Variants in KCP observed in about 807,000 individuals in gnomAD.
KCP encodes the protein kielin cysteine rich BMP regulator.
KCP carries 194 observed loss-of-function variants against 212.7 expected under a neutral mutation model. The observed-to-expected ratio is 0.91, with a 90% CI of 0.81 to 1.03. KCP has a LOEUF of 1.03. Ranked by LOEUF, KCP falls within the 50% of genes least tolerant of loss-of-function variation. KCP has a pLI of 0.00. For synonymous variants in KCP, 833 were observed against 865.3 expected (o/e 0.96, Z 0.65); for missense variants, 2,080 against 2,162.5 (o/e 0.96, Z 0.76).
chr7:128,884,483 C>T (rs1050104732), intron 28 of KCP, among the ~76,000 whole-genome samples: 7 of 152,168 alleles, frequency 4.6e-5, no homozygotes, highest in African/African-American at 1.7e-4. Flanking sequence ...AGAATCTCCA[C>T]AATATGACCC....
intron 5 of KCP, among the ~76,000 whole-genome samples, chr7:128,905,253 G>A (rs1246599527): frequency 2.0e-5 from 3 of 152,094 alleles, no homozygotes; most frequent in Admixed American, 6.5e-5. Flanking sequence ...GTATAAGAAT[G>A]TCCTAAATAT....
Position 128,893,819 on chromosome 7 carries a change from G to T in KCP, c.1086C>A (p.Cys362Ter). The T allele has an allele frequency of 6.4e-7, 1 of 1,550,966 alleles. No individual in the cohort carries two copies. Among genetic ancestry groups the T allele is most frequent in the South Asian group, 1.2e-5 (1 of 84,064 alleles). ...GCCCCCACTCACCATCGCAGACAGG[G>T]CAGCACTGCCCAGGGATCTTGCCTG... ...RHPGKIPGQC[C>*]PVCDGCEYQG... Residue 362 changes from cysteine (C) to a stop codon, truncating the protein, a stop_gained, in exon 11 of 40, where the codon TGC (cysteine) becomes TGA (stop). Transcript: ENST00000610776. LOFTEE classifies it high-confidence loss of function.
intron 8 of KCP, 52 bp downstream of exon 8, chr7:128,902,725 G>A: frequency 2.7e-6 from 4 of 1,457,812 alleles, no homozygotes; most frequent in South Asian, 2.4e-5. Flanking sequence ...AATGAATACA[G>A]TGGGCCTGAG....
At position 128,888,932 on chromosome 7, in the gene KCP, G is replaced by A. The variant is rs1423384636; in HGVS notation, c.2443C>T (p.Arg815Trp). The change falls in exon 22 of 40, where the codon CGG becomes TGG. Residue 815 changes from arginine (R) to tryptophan (W), a missense_variant. Physicochemically the swap from Arg to Trp is moderately radical, Grantham distance 101 (BLOSUM62 -3). Coordinates refer to ENST00000610776, the MANE Select transcript of KCP (RefSeq NM_001366122.1). ...CTGCAGCCCGGAGGCTCACAGGGCC[G>A]GCGGCCGCAGGTCACGAAGCCTCCA... ...CLGGFVTCGR[R>W]PCEPPGCSHP... The A allele has an allele frequency of 3.7e-5, 57 of 1,550,640 alleles. No homozygotes were observed. Among genetic ancestry groups the A allele is most frequent in the East Asian group, 2.9e-4 (12 of 40,900 alleles).
Position 128,883,341 on chromosome 7 carries a change from T to C in KCP, c.3244+661A>G, listed in dbSNP as rs185967394. ...TTTTAGTAGAGACGGGGTTTCACCA[T>C]GTTGGCCAGGATGGTCTCGATCTCT... On this transcript the variant is annotated intron_variant, in intron 29 of 39. Coordinates refer to ENST00000610776, the MANE Select transcript of KCP (RefSeq NM_001366122.1). Among the ~76,000 whole-genome samples, 1,399 of 152,086 alleles carry C rather than the reference T, an allele frequency of 9.2e-3. 26 individuals carry two copies. Among genetic ancestry groups the C allele is most frequent in the African/African-American group, 0.032 (1,344 of 41,510 alleles).
chr7:128,903,649 C>T, intron 7 of KCP, 78 bp downstream of exon 7: 1 of 1,242,950 alleles, frequency 8.0e-7, no homozygotes, highest in Middle Eastern at 1.9e-4. Context: ...TGGAGGCCGG[C>T]AAGGTGGGCT....
Position 128,892,989 on chromosome 7 carries a change from C to A in KCP, c.1300G>T (p.Gly434Ter). ...CGACCATCAGGCTCCCACTGGACTC[C>A]CTCAGCAAACTCCTCTCCATCCAGC... is the stretch of plus-strand genomic sequence containing the variant. The part of the protein sequence containing the change: ...CELDGEEFAE[G>*]VQWEPDGRPC... Residue 434 changes from glycine (G) to a stop codon, truncating the protein, a stop_gained, in exon 14 of 40, where the codon GGA (glycine) becomes TGA (stop). Transcript: ENST00000610776. LOFTEE classifies it high-confidence loss of function. 9.6e-7 allele frequency: 1 copy of A among 1,038,782 alleles called. No homozygotes were observed. The highest frequency in any genetic ancestry group is 1.4e-5 in the South Asian group (1 of 73,966). The allele number at this position is 1,038,782 out of a possible 1,614,324, so 64.3% of individuals were successfully genotyped here. A position where few individuals can be genotyped will look rare whatever the true frequency, so the allele number is the denominator to read the frequency against.
chr7:128,880,726 G>GGACA lies in KCP; in HGVS notation c.3514-9_3514-6dup. 1 of 423,620 alleles carries GGACA rather than the reference G, an allele frequency of 2.4e-6. No individual in the cohort carries two copies. The highest frequency in any genetic ancestry group is 4.2e-6 in the Non-Finnish European group (1 of 240,954). 26.2% of individuals were successfully genotyped at this position (423,620 alleles called of 1,614,324 possible). A position where few individuals can be genotyped will look rare whatever the true frequency, so the allele number is the denominator to read the frequency against. On this transcript the variant is annotated splice_polypyrimidine_tract_variant and splice_region_variant and intron_variant, in intron 32 of 39. Transcript: ENST00000610776. ...GTGGCACTCCACATGGCCCCGCTGAGGACAGACATCATTGTTCTGGGGTTT... is the reference window on the plus strand; with the variant it reads ...GTGGCACTCCACATGGCCCCGCTGAGGACAGACAGACATCATTGTTCTGGGGTTT...
In KCP at chr7:128,910,668, C is replaced by A. The variant is rs1261259711; in HGVS notation, c.9G>T (p.Gly3=). The change falls in exon 1 of 40, where the codon GGG becomes GGT. Residue 3 remains glycine, a synonymous_variant. Coordinates refer to ENST00000610776, the MANE Select transcript of KCP (RefSeq NM_001366122.1). ...GAAGGGACAGCGCAGCGGCCCCGAC[C>A]CCGGCCATGCTAGCTCCGCCTCGCT... MA[G]VGAAALSLLL... The A allele has an allele frequency of 1.3e-5, 19 of 1,506,174 alleles. No homozygotes were observed. In the Admixed American group the frequency reaches 2.3e-4, roughly 18 times the overall value. The allele number at this position is 1,506,174 out of a possible 1,614,324, so 93.3% of individuals were successfully genotyped here.
At chr7:128,908,671 G>A (rs1449174055) in intron 1 of KCP, 103 bp from the exon 2 acceptor site, 10 of 1,277,954 alleles carry the variant, frequency 7.8e-6, no homozygotes, top group Non-Finnish European at 1.1e-5. Context: ...GGGTCATCCT[G>A]TGCACCCTGC....
intron 8 of KCP, 22 bp downstream of exon 8, chr7:128,902,755 C>CAGG: frequency 6.5e-7 from 1 of 1,548,780 alleles, no homozygotes; most frequent in Non-Finnish European, 8.7e-7. Context: ...GGGGACAGAC[C>CAGG]AGGAGCAGCC....
chr7:128,879,610 G>T lies in KCP; in HGVS notation c.4058C>A (p.Pro1353Gln). The stretch of plus-strand genomic sequence containing the variant: ...CTCCTGCAGGAAGGGCAAGGCCACC[G>T]GGTGCCCATCCACCTGGAGGATAAA... ...QDGAVTVDGHPVALPFLQEPL... is the reference protein window; with the variant it reads ...QDGAVTVDGHQVALPFLQEPL... The change falls in exon 37 of 40, where the codon CCG becomes CAG. Residue 1353 changes from proline (P) to glutamine (Q), a missense_variant. By Grantham distance (76) the Pro-to-Gln change is moderately conservative. Coordinates refer to ENST00000610776, the MANE Select transcript of KCP (RefSeq NM_001366122.1). 1.3e-6 allele frequency: 2 copies of T among 1,550,544 alleles called. No individual in the cohort carries two copies. The highest frequency in any genetic ancestry group is 2.4e-5 in the South Asian group (2 of 84,064).
chr7:128,891,233 A>AGGGCAGCGGC lies in KCP; in HGVS notation c.1914_1923dup (p.Cys642AlafsTer138). 6.5e-7 allele frequency: 1 copy of AGGGCAGCGGC among 1,546,702 alleles called. No homozygotes were observed. On this transcript the variant is annotated frameshift_variant, in exon 19 of 40. Coordinates refer to ENST00000610776, the MANE Select transcript of KCP (RefSeq NM_001366122.1). LOFTEE classifies it high-confidence loss of function. The stretch of plus-strand genomic sequence containing the variant: ...CCCGGCAGCAGGACAGGCTCTGGAC[A>AGGGCAGCGGC]GGGCAGCGGCACGCAGCGGCGGGCC...
intron 6 of KCP, 65 bp downstream of exon 6, chr7:128,903,991 G>A: frequency 6.9e-7 from 1 of 1,442,698 alleles, no homozygotes; most frequent in Non-Finnish European, 9.5e-7. Context: ...TGGCAGGCAG[G>A]GCCCAGGGCA....
chr7:128,877,095 T>C lies in KCP; in HGVS notation c.4835A>G (p.Gln1612Arg). The change falls in exon 40 of 40, where the codon CAG (glutamine) becomes CGG (arginine). Residue 1612 changes from glutamine (Q) to arginine (R), a missense_variant. Gln to Arg is a conservative substitution (Grantham distance 43). Coordinates refer to ENST00000610776, the MANE Select transcript of KCP (RefSeq NM_001366122.1). ...ACPQVLLTGDQPLGARPSPSR... is the reference protein window; with the variant it reads ...ACPQVLLTGDRPLGARPSPSR... ...GGGGCTGGGCCGAGCACCAAGTGGC[T>C]GGTCTCCAGTGAGCAGGACTTGGGG... 6.6e-7 allele frequency: 1 copy of C among 1,519,056 alleles called. No individual in the cohort carries two copies. Among genetic ancestry groups the C allele is most frequent in the African/African-American group, 1.4e-5 (1 of 71,000 alleles). The allele number at this position is 1,519,056 out of a possible 1,614,324, so 94.1% of individuals were successfully genotyped here. A position where few individuals can be genotyped will look rare whatever the true frequency, so the allele number is the denominator to read the frequency against.
In KCP at chr7:128,891,828, T is replaced by G. The variant is rs1319772176; in HGVS notation, c.1622-9A>C. The G allele has an allele frequency of 7.0e-7, 1 of 1,438,730 alleles. No individual in the cohort carries two copies. The highest frequency in any genetic ancestry group is 1.4e-5 in the African/African-American group (1 of 69,016). The allele number at this position is 1,438,730 out of a possible 1,614,324, so 89.1% of individuals were successfully genotyped here. A position where few individuals can be genotyped will look rare whatever the true frequency, so the allele number is the denominator to read the frequency against. On this transcript the variant is annotated splice_polypyrimidine_tract_variant and intron_variant, in intron 16 of 39. Transcript: ENST00000610776. ...TTCCTCCAGGATGCAGTCTGGGCAGTGGATGGTGGGGGCAGGTATGAGGGC... is the reference window on the plus strand; with the variant it reads ...TTCCTCCAGGATGCAGTCTGGGCAGGGGATGGTGGGGGCAGGTATGAGGGC...
chr7:128,886,397 G>T (rs1793645119), intron 26 of KCP, 67 bp downstream of exon 26: 14 of 1,316,230 alleles, frequency 1.1e-5, no homozygotes, highest in Admixed American at 2.4e-5. Context: ...GGGGAGGGAG[G>T]TGGGGTGGAC....
Position 128,877,074 on chromosome 7 carries a change from C to G in KCP, c.4856G>C (p.Ser1619Thr), listed in dbSNP as rs777432656. 2.6e-6 allele frequency: 4 copies of G among 1,523,358 alleles called. No homozygotes were observed. Among genetic ancestry groups the G allele is most frequent in the South Asian group, 2.5e-5 (2 of 79,604 alleles). The allele number at this position is 1,523,358 out of a possible 1,614,324, so 94.4% of individuals were successfully genotyped here. Residue 1619 changes from serine to threonine, a missense_variant, in exon 40 of 40, where the codon AGC becomes ACC. Coordinates refer to ENST00000610776, the MANE Select transcript of KCP (RefSeq NM_001366122.1). ...TGDQPLGARP[S>T]PSREPQETP ...TGTCTCCTGGGGCTCCCGGCTGGGG[C>G]TGGGCCGAGCACCAAGTGGCTGGTC...
chr7:128,903,447 C>T, intron 7 of KCP: 1 of 513,824 alleles, frequency 1.9e-6, no homozygotes. Context: ...TCCCTGAGGG[C>T]TGACCCCATG....
Sources: gnomAD v4.1 joint callset for allele counts (sites outside exome capture counted in the v4.1 genomes callset) on GRCh38, gnomAD v4.1.1 for gene constraint, MANE v1.5 for transcripts, NCBI Gene and HGNC (gene_info 2026-07-23, HGNC 2026-07-21) for gene names.